Variants in UBE2H observed in about 807,000 individuals in gnomAD.
The protein encoded by UBE2H is ubiquitin-conjugating enzyme E2 H.
A neutral mutation model predicts 29.0 loss-of-function variants in UBE2H; 3 were observed. The observed-to-expected ratio is 0.10, with a 90% CI of 0.05 to 0.27. The LOEUF (loss-of-function observed/expected upper bound fraction) is 0.27, where lower values mean the gene tolerates loss of function less well. Among genes scored for constraint, UBE2H ranks in the 10% least tolerant of loss-of-function variants. The pLI, the probability that UBE2H is intolerant of heterozygous loss-of-function variation, is 1.00. For missense variants in UBE2H, 68 were observed against 228.2 expected, an observed-to-expected ratio of 0.30 and a Z score of 4.52; for synonymous variants, 69 against 82.9, an observed-to-expected ratio of 0.83 and a Z score of 0.91.
rs116394998 is a variant in UBE2H at position 129,902,869 on chromosome 7, C to T, written c.54-21898G>A. 7.4e-3 allele frequency among the ~76,000 whole-genome samples: 1,132 copies of T among 152,300 alleles called. 14 individuals carry two copies. The highest frequency in any genetic ancestry group is 0.026 in the African/African-American group (1,088 of 41,540). The stretch of plus-strand genomic sequence containing the variant: ...TGCCAAATATTTACCAAGCCTCTAT[C>T]AAGAGGTGTTAGTGTCTTACATATG... On this transcript the variant is annotated intron_variant, in intron 1 of 6. Coordinates refer to ENST00000355621, the MANE Select transcript of UBE2H (RefSeq NM_003344.4).
At chr7:129,947,716 C>T (rs1397772604) in intron 1 of UBE2H, among the ~76,000 whole-genome samples, 1 of 149,184 alleles carries the variant, frequency 6.7e-6, no homozygotes, top group African/African-American at 2.5e-5. Context: ...CTACACACAG[C>T]AATGACCTAA....
At chr7:129,873,069 G>A (rs1209868679) in intron 3 of UBE2H, among the ~76,000 whole-genome samples, 1 of 151,156 alleles carries the variant, frequency 6.6e-6, no homozygotes, top group African/African-American at 2.4e-5. Context: ...GCCCAGGCTG[G>A]AGTGCCGTGG....
rs555490171 is a variant in UBE2H at position 129,883,313 on chromosome 7, T to A, written c.54-2342A>T. On this transcript the variant is annotated intron_variant, in intron 1 of 6. Transcript: ENST00000355621. ...AGAGTGTGATATGGTTTCACCCACT[T>A]TGAAAAACTGTTGGCAGTACTAAAC... is the stretch of plus-strand genomic sequence containing the variant. Among the ~76,000 whole-genome samples the A allele has an allele frequency of 2.6e-5, 4 of 152,322 alleles. No homozygotes were observed. In the East Asian group the frequency reaches 7.7e-4, roughly 29 times the overall value.
chr7:129,938,923 C>A (rs1389911040), intron 1 of UBE2H, among the ~76,000 whole-genome samples: 1 of 151,854 alleles, frequency 6.6e-6, no homozygotes, highest in Non-Finnish European at 1.5e-5. Flanking sequence ...CTCAGCCTCC[C>A]GAGCAGCTTT....
rs776441841 is a variant in UBE2H at position 129,834,886 on chromosome 7, T to C, written c.*51A>G. 1 of 1,605,914 alleles carries C rather than the reference T, an allele frequency of 6.2e-7. No individual in the cohort carries two copies. The highest frequency in any genetic ancestry group is 2.2e-5 in the East Asian group (1 of 44,850). On this transcript the variant is annotated 3_prime_UTR_variant, in exon 7 of 7. Coordinates refer to ENST00000355621, the MANE Select transcript of UBE2H (RefSeq NM_003344.4). ...TTTAAATATGAATATTATAGTCTGC[T>C]TCTCATGGTTAGGAAATAATAGTCT... is the stretch of plus-strand genomic sequence containing the variant.
intron 1 of UBE2H, among the ~76,000 whole-genome samples, chr7:129,938,606 G>A (rs539486154): frequency 7.3e-5 from 1 of 13,768 alleles, no homozygotes; most frequent in Non-Finnish European, 1.2e-3. Context: ...CCAGCTACTC[G>A]ATAGGCTGAG....
intron 1 of UBE2H, among the ~76,000 whole-genome samples, chr7:129,943,730 G>A (rs1807694915): frequency 6.6e-6 from 1 of 152,032 alleles, no homozygotes; most frequent in Non-Finnish European, 1.5e-5. Context: ...GCAAAACCCT[G>A]TCTCTAACTA....
intron 1 of UBE2H, among the ~76,000 whole-genome samples, chr7:129,924,814 G>A (rs1317598522): frequency 6.6e-6 from 1 of 152,002 alleles, no homozygotes; most frequent in Non-Finnish European, 1.5e-5. Context: ...AGCCAAGGAC[G>A]AAAGCCCTGG....
chr7:129,926,633 A>G (rs549483322), intron 1 of UBE2H, among the ~76,000 whole-genome samples: 1 of 152,278 alleles, frequency 6.6e-6, no homozygotes, highest in South Asian at 2.1e-4. Context: ...AAATTATCTC[A>G]ATCATTCTCA....
intron 1 of UBE2H, among the ~76,000 whole-genome samples, chr7:129,913,252 CAAAAAAAAA>C (rs59869623): frequency 1.2e-4 from 9 of 75,544 alleles, no homozygotes; most frequent in African/African-American, 4.1e-4. Flanking sequence ...AACTCCGTCT[CAAAAAAAAA>C]AAAAAAAAAA....
chr7:129,914,224 G>C (rs1372315972), intron 1 of UBE2H, among the ~76,000 whole-genome samples: 2 of 151,726 alleles, frequency 1.3e-5, no homozygotes. Context: ...CTGGAGTGCA[G>C]AGGTGCAATT....
chr7:129,937,673 G>C (rs768628811), intron 1 of UBE2H, among the ~76,000 whole-genome samples: 18 of 152,184 alleles, frequency 1.2e-4, no homozygotes, highest in Non-Finnish European at 1.9e-4. Context: ...ACTGCCTAGA[G>C]AAATGGGCAG....
At chr7:129,879,791 T>TC (rs1351127152) in intron 2 of UBE2H, 149 bp from the exon 3 acceptor site, 16 of 637,146 alleles carry the variant, frequency 2.5e-5, no homozygotes, top group African/African-American at 1.3e-4. Flanking sequence ...TCAATAGGTG[T>TC]ACCACGTTCA....
In UBE2H at chr7:129,938,448, C is replaced by T. The variant is rs1424597290; in HGVS notation, c.53+14055G>A. Among the ~76,000 whole-genome samples the T allele has an allele frequency of 4.6e-5, 6 of 129,606 alleles. No individual in the cohort carries two copies. The South Asian group carries it at 1.4e-3, about 30-fold the overall frequency. 85.0% of individuals were successfully genotyped at this position (129,606 alleles called of 152,430 possible). On this transcript the variant is annotated intron_variant, in intron 1 of 6. Coordinates refer to ENST00000355621, the MANE Select transcript of UBE2H (RefSeq NM_003344.4). ...AAAAAAAAAAAAAAAAAAAGGCTGG[C>T]TCATGCTTGCAATCCCAGCACTTTG...
rs1397676436 is a variant in UBE2H at position 129,834,201 on chromosome 7, T to A, written c.*736A>T. ...TGTCCTTTCAAAAACAGGTCTGGAT[T>A]TCACGCTCTACCCCAAGAAAAAGAA... On this transcript the variant is annotated 3_prime_UTR_variant, in exon 7 of 7. Coordinates refer to ENST00000355621, the MANE Select transcript of UBE2H (RefSeq NM_003344.4). The A allele has an allele frequency of 4.6e-5, 7 of 152,178 alleles. No individual in the cohort carries two copies. The highest frequency in any genetic ancestry group is 2.0e-4 in the Admixed American group (3 of 15,276). 9.4% of individuals were successfully genotyped at this position (152,178 alleles called of 1,614,324 possible).
intron 1 of UBE2H, among the ~76,000 whole-genome samples, chr7:129,938,625 G>T (rs1346055865): frequency 3.3e-5 from 5 of 149,666 alleles, no homozygotes; most frequent in African/African-American, 1.2e-4. Context: ...AGAATTGTTT[G>T]AACCCGGGAG....
At chr7:129,946,678 C>T (rs980469109) in intron 1 of UBE2H, among the ~76,000 whole-genome samples, 3 of 152,114 alleles carry the variant, frequency 2.0e-5, no homozygotes, top group Admixed American at 2.0e-4. Flanking sequence ...TGGAATCTTG[C>T]TCTGTCCCCC....
At chr7:129,850,798 G>C (rs536480732) in intron 5 of UBE2H, among the ~76,000 whole-genome samples, 44 of 144,688 alleles carry the variant, frequency 3.0e-4, no homozygotes, top group Admixed American at 8.4e-4. Flanking sequence ...CTGGGCGACA[G>C]AGTAAGACTC....
chr7:129,875,095 C>G (rs182600372), intron 3 of UBE2H, among the ~76,000 whole-genome samples: 3 of 152,168 alleles, frequency 2.0e-5, no homozygotes, highest in Admixed American at 6.5e-5. Context: ...ACAGACAGGA[C>G]AGTCAAAAGA....
Sources: gnomAD v4.1 joint callset for allele counts (sites outside exome capture counted in the v4.1 genomes callset) on GRCh38, gnomAD v4.1.1 for gene constraint, MANE v1.5 for transcripts, NCBI Gene and HGNC (gene_info 2026-07-23, HGNC 2026-07-21) for gene names.